The following FIGN variants were observed in gnomAD, a reference collection of about 807,000 sequenced individuals.
FIGN encodes fidgetin.
FIGN carries 11 observed loss-of-function variants against 51.3 expected under a neutral mutation model. The observed-to-expected ratio is 0.21, with a 90% CI of 0.13 to 0.35. The LOEUF (loss-of-function observed/expected upper bound fraction) is 0.35, where lower values mean the gene tolerates loss of function less well. FIGN is among the 10% of genes least tolerant of loss of function. FIGN has a pLI of 1.00. For synonymous variants in FIGN, 407 were observed against 363.2 expected, an observed-to-expected ratio of 1.12 and a Z score of -1.37; for missense variants, 857 against 943.6, an observed-to-expected ratio of 0.91 and a Z score of 1.20.
intron 2 of FIGN, among the ~76,000 whole-genome samples, chr2:163,726,703 A>G (rs1189616189): frequency 5.9e-5 from 9 of 152,102 alleles, no homozygotes. Context: ...GCACAAGAAC[A>G]TATTCCATTT....
At chr2:163,682,015 GC>G (rs1684072879) in intron 2 of FIGN, among the ~76,000 whole-genome samples, 1 of 152,158 alleles carries the variant, frequency 6.6e-6, no homozygotes, top group South Asian at 2.1e-4. Context: ...GTTTGGCCTT[GC>G]TTTCAGGGGC....
At chr2:163,693,952 G>T (rs572648802) in intron 2 of FIGN, among the ~76,000 whole-genome samples, 4 of 152,254 alleles carry the variant, frequency 2.6e-5, no homozygotes, top group African/African-American at 9.6e-5. Context: ...AGGTAACACA[G>T]GACCTGTACT....
intron 2 of FIGN, among the ~76,000 whole-genome samples, chr2:163,655,804 CAGAGAGAGAG>C (rs3058760): frequency 6.9e-6 from 1 of 145,780 alleles, no homozygotes; most frequent in Non-Finnish European, 1.5e-5. Context: ...CACACACACA[CAGAGAGAGAG>C]AGAGAGAGAG....
chr2:163,670,731 C>G (rs1406216002), intron 2 of FIGN, among the ~76,000 whole-genome samples: 2 of 152,168 alleles, frequency 1.3e-5, no homozygotes, highest in Non-Finnish European at 2.9e-5. Context: ...CTTTTAAATT[C>G]ATCCACAATG....
rs376462719 is a variant in FIGN at position 163,611,313 on chromosome 2, T to C, written c.519A>G (p.Val173=). 3.7e-6 allele frequency: 6 copies of C among 1,614,122 alleles called. No homozygotes were observed. Among genetic ancestry groups the C allele is most frequent in the South Asian group, 2.2e-5 (2 of 91,078 alleles). ...ATGGGAGCCCTGCATGAAGACTGGG[T>C]ACAGTGTGGCTTCCACAGGTACTAC... ...YSSSTCGSHT[V]PSLHAGLPSQ... The change falls in exon 3 of 3, where the codon GTA becomes GTG. Residue 173 remains valine, a synonymous_variant. Coordinates refer to ENST00000333129, the MANE Select transcript of FIGN (RefSeq NM_018086.4).
At chr2:163,718,694 C>T (rs1287583870) in intron 2 of FIGN, among the ~76,000 whole-genome samples, 1 of 152,006 alleles carries the variant, frequency 6.6e-6, no homozygotes, top group African/African-American at 2.4e-5. Context: ...CAATATACTG[C>T]CCATTTTAAA....
intron 2 of FIGN, among the ~76,000 whole-genome samples, chr2:163,642,744 G>T (rs1683323328): frequency 6.6e-6 from 1 of 151,854 alleles, no homozygotes; most frequent in Non-Finnish European, 1.5e-5. Context: ...TTGTATGTTG[G>T]ATAAAATCAG....
chr2:163,729,621 G>T (rs1428761267), intron 2 of FIGN, among the ~76,000 whole-genome samples: 1 of 152,016 alleles, frequency 6.6e-6, no homozygotes, highest in Non-Finnish European at 1.5e-5. Flanking sequence ...TACTTAAGCT[G>T]AGCTATAGGG....
intron 2 of FIGN, among the ~76,000 whole-genome samples, chr2:163,644,622 G>C (rs905674626): frequency 6.6e-6 from 1 of 152,106 alleles, no homozygotes; most frequent in Non-Finnish European, 1.5e-5. Context: ...ATAAAAACTT[G>C]TGTATGAAAG....
intron 2 of FIGN, among the ~76,000 whole-genome samples, chr2:163,678,566 T>C (rs1207964209): frequency 6.6e-6 from 1 of 152,176 alleles, no homozygotes; most frequent in Non-Finnish European, 1.5e-5. Flanking sequence ...CTTTCCAGAC[T>C]TTCTTGTTAA....
intron 2 of FIGN, among the ~76,000 whole-genome samples, chr2:163,700,656 G>A (rs761661982): frequency 6.6e-6 from 1 of 152,090 alleles, no homozygotes; most frequent in Admixed American, 6.6e-5. Flanking sequence ...ACAAGCAATG[G>A]AGGCCATTGG....
At chr2:163,647,468 A>T (rs1212013606) in intron 2 of FIGN, among the ~76,000 whole-genome samples, 2 of 152,216 alleles carry the variant, frequency 1.3e-5, no homozygotes, top group Admixed American at 1.3e-4. Context: ...GATTAGAGAT[A>T]TGGACAGAAA....
chr2:163,658,008 A>G (rs184474362), intron 2 of FIGN, among the ~76,000 whole-genome samples: 1 of 152,284 alleles, frequency 6.6e-6, no homozygotes, highest in East Asian at 1.9e-4. Context: ...GGTAGAAACT[A>G]CTAAAGGAAA....
chr2:163,622,509 T>C (rs916931557), intron 2 of FIGN, among the ~76,000 whole-genome samples: 3 of 152,080 alleles, frequency 2.0e-5, no homozygotes, highest in African/African-American at 7.2e-5. Context: ...TGTTTGCTAA[T>C]AATTTTAGAA....
intron 2 of FIGN, among the ~76,000 whole-genome samples, chr2:163,717,463 G>A: frequency 6.6e-6 from 1 of 151,986 alleles, no homozygotes; most frequent in East Asian, 1.9e-4. Context: ...TCTGATGTGG[G>A]CATAGAGTCA....
intron 2 of FIGN, among the ~76,000 whole-genome samples, chr2:163,676,303 A>T (rs993496447): frequency 2.8e-4 from 42 of 151,416 alleles, no homozygotes; most frequent in African/African-American, 1.0e-3. Flanking sequence ...AAAAAATTAG[A>T]GTTCTTCTAT....
intron 2 of FIGN, among the ~76,000 whole-genome samples, chr2:163,657,788 TG>T (rs1319522775): frequency 6.6e-6 from 1 of 152,156 alleles, no homozygotes; most frequent in Non-Finnish European, 1.5e-5. Context: ...TTTGCAAATC[TG>T]TAATAGATGG....
chr2:163,695,238 C>T (rs1277929262), intron 2 of FIGN, among the ~76,000 whole-genome samples: 1 of 152,146 alleles, frequency 6.6e-6, no homozygotes, highest in Non-Finnish European at 1.5e-5. Context: ...TCATTAAATT[C>T]TGATTTCATT....
intron 2 of FIGN, among the ~76,000 whole-genome samples, chr2:163,706,591 TG>T (rs1397919075): frequency 6.6e-6 from 1 of 152,210 alleles, no homozygotes; most frequent in Non-Finnish European, 1.5e-5. Context: ...TTTTTCTTTT[TG>T]TAAAATGAAA....
Sources: allele counts gnomAD v4.1 joint callset (sites outside exome capture counted in the v4.1 genomes callset), GRCh38; gene constraint gnomAD v4.1.1; transcripts MANE v1.5; gene names NCBI Gene and HGNC (gene_info 2026-07-23, HGNC 2026-07-21).